The following MYT1L variants were observed in gnomAD, a reference collection of about 807,000 sequenced individuals.
MYT1L encodes the protein myelin transcription factor 1 like.
In MYT1L, 12 loss-of-function variants were observed where a neutral mutation model predicts 126.7. The observed-to-expected ratio is 0.09, with a 90% CI of 0.06 to 0.15. MYT1L has a LOEUF of 0.15. MYT1L is among the 10% of genes least tolerant of loss of function. MYT1L has a pLI of 1.00. For synonymous variants in MYT1L, 541 were observed against 604.2 expected (o/e 0.90, Z 1.53); for missense variants, 979 against 1,585.2 (o/e 0.62, Z 6.49).
intron 4 of MYT1L, among the ~76,000 whole-genome samples, chr2:2,037,881 ATACATTCAAAACTATAGTTTTGAATC>A (rs1026588286): frequency 6.6e-6 from 1 of 152,172 alleles, no homozygotes; most frequent in African/African-American, 2.4e-5. Flanking sequence ...TTTCAAAACT[ATACATTCAAAACTATAGTTTTGAATC>A]CTCAAATCAC....
At chr2:2,003,081 G>A (rs549995405) in intron 4 of MYT1L, among the ~76,000 whole-genome samples, 1 of 152,088 alleles carries the variant, frequency 6.6e-6, no homozygotes, top group Non-Finnish European at 1.5e-5. Flanking sequence ...ACCAATCTAT[G>A]CCTCCACGTC....
intron 3 of MYT1L, among the ~76,000 whole-genome samples, chr2:2,090,906 C>T (rs1308751459): frequency 6.6e-6 from 1 of 152,248 alleles, no homozygotes; most frequent in Non-Finnish European, 1.5e-5. Flanking sequence ...AACTCCTCAT[C>T]CATTCAAGAT....
chr2:2,006,989 T>C (rs2063395612), intron 4 of MYT1L, among the ~76,000 whole-genome samples: 1 of 152,154 alleles, frequency 6.6e-6, no homozygotes, highest in Non-Finnish European at 1.5e-5. Context: ...TATATCTATA[T>C]TGTGGCAAAT....
chr2:2,237,042 G>C (rs778966417), intron 2 of MYT1L, among the ~76,000 whole-genome samples: 13 of 151,980 alleles, frequency 8.6e-5, no homozygotes, highest in Non-Finnish European at 1.8e-4. Context: ...TCGAACTCCC[G>C]ACCTCAGGTG....
At chr2:1,915,991 T>C (rs2052766849) in intron 11 of MYT1L, among the ~76,000 whole-genome samples, 1 of 152,176 alleles carries the variant, frequency 6.6e-6, no homozygotes, top group Non-Finnish European at 1.5e-5. Context: ...GCTGGGTACA[T>C]GGAAGCTGTT....
chr2:1,984,597 C>T (rs943478423), intron 5 of MYT1L, among the ~76,000 whole-genome samples: 11 of 150,402 alleles, frequency 7.3e-5, no homozygotes, highest in African/African-American at 2.7e-4. Flanking sequence ...ACAAGCTCCG[C>T]CTCCTGGGTT....
In MYT1L at chr2:2,009,495, C is replaced by T. The variant is rs567477318; in HGVS notation, c.-157-12148G>A. Among the ~76,000 whole-genome samples, 6 of 151,946 alleles carry T rather than the reference C, an allele frequency of 3.9e-5. No individual in the cohort carries two copies. In the South Asian group the frequency reaches 8.3e-4, roughly 21 times the overall value. On this transcript the variant is annotated intron_variant, in intron 4 of 24. Transcript: ENST00000647738. ...GGGATTGTTTTACTGATTTATTTTC[C>T]AGCTAGGTTATTATTTTTCTATACA...
At position 2,003,986 on chromosome 2, in the gene MYT1L, C is replaced by T. The variant is rs1367598204; in HGVS notation, c.-157-6639G>A. Among the ~76,000 whole-genome samples, 79 of 150,640 alleles carry T rather than the reference C, an allele frequency of 5.2e-4. 2 individuals carry two copies. In the South Asian group the frequency reaches 0.015, roughly 29 times the overall value. On this transcript the variant is annotated intron_variant, in intron 4 of 24. Transcript: ENST00000647738. ...TCTTTCCTGCAGGCATTCTTTCCTG[C>T]AAGCGTTCTTTCCTGCATGCCTTCT...
chr2:1,916,009 C>A (rs1011522743), intron 11 of MYT1L, among the ~76,000 whole-genome samples: 1 of 152,174 alleles, frequency 6.6e-6, no homozygotes, highest in Non-Finnish European at 1.5e-5. Context: ...GTTGTCAAAC[C>A]ATGCTGTCTT....
intron 2 of MYT1L, among the ~76,000 whole-genome samples, chr2:2,281,475 T>C (rs1055158655): frequency 2.0e-5 from 3 of 152,210 alleles, no homozygotes; most frequent in African/African-American, 7.2e-5. Flanking sequence ...AGTAAATGCT[T>C]GTGTCTTCCT....
chr2:2,063,369 A>C (rs1403927961), intron 3 of MYT1L, among the ~76,000 whole-genome samples: 1 of 152,088 alleles, frequency 6.6e-6, no homozygotes, highest in Non-Finnish European at 1.5e-5. Context: ...TTATCTGTTC[A>C]TATTTAACAA....
rs986432921 is a variant in MYT1L at position 1,912,681 on chromosome 2, G to A, written c.1619-571C>T. Among the ~76,000 whole-genome samples the A allele has an allele frequency of 6.6e-6, 1 of 152,134 alleles. No homozygotes were observed. Among genetic ancestry groups the A allele is most frequent in the Non-Finnish European group, 1.5e-5 (1 of 68,038 alleles). On this transcript the variant is annotated intron_variant, in intron 11 of 24. Transcript: ENST00000647738. This position sits in a 1 kb window ranked among gnomAD's most constrained non-coding sequence, Gnocchi z 4.3. ...ATCACTCTTCCTTTAGGAATCAAGT[G>A]CTTTATTATTCTTTAAATAGGATGA...
At chr2:1,853,506 T>C (rs1432092942) in intron 18 of MYT1L, among the ~76,000 whole-genome samples, 1 of 152,216 alleles carries the variant, frequency 6.6e-6, no homozygotes, top group Non-Finnish European at 1.5e-5. Context: ...AAATGACACC[T>C]TATGTGGGTA....
chr2:2,185,658 G>A lies in MYT1L; in HGVS notation c.-420-12670C>T, dbSNP rs1163619734. ...GCGGACGCAGCCGGGCCTCCCAGAC[G>A]CCCGCGTTCCTTACGTGAGGGGGAC... On this transcript the variant is annotated intron_variant, in intron 2 of 24. Coordinates refer to ENST00000647738, the MANE Select transcript of MYT1L (RefSeq NM_001303052.2). Among the ~76,000 whole-genome samples, 5 of 112,156 alleles carry A rather than the reference G, an allele frequency of 4.5e-5. 1 individual carries two copies. Among genetic ancestry groups the A allele is most frequent in the African/African-American group, 2.0e-4 (5 of 24,870 alleles). The allele number at this position is 112,156 out of a possible 152,430, so 73.6% of individuals were successfully genotyped here.
chr2:2,324,978 C>T (rs2096226768), intron 1 of MYT1L: 1 of 152,326 alleles, frequency 6.6e-6, no homozygotes, highest in Admixed American at 6.5e-5. Context: ...CTTGTACCCA[C>T]AGGCCCCTAA....
At chr2:1,992,938 G>A (rs2061553700) in intron 5 of MYT1L, among the ~76,000 whole-genome samples, 2 of 152,038 alleles carry the variant, frequency 1.3e-5, no homozygotes, top group African/African-American at 2.4e-5. Context: ...GGCACCACCC[G>A]GATCAATAAA....
At chr2:2,000,965 CGGGT>C (rs1455413319) in intron 4 of MYT1L, among the ~76,000 whole-genome samples, 3 of 152,128 alleles carry the variant, frequency 2.0e-5, no homozygotes, top group African/African-American at 7.2e-5. Context: ...CTCAGAAGCA[CGGGT>C]TTTCTCTCTG....
intron 19 of MYT1L, chr2:1,841,341 T>G (rs1055006907): frequency 1.3e-5 from 2 of 149,850 alleles, no homozygotes; most frequent in Non-Finnish European, 2.9e-5. Flanking sequence ...TTTTTTGTAT[T>G]TTTTAGTAGA....
chr2:2,222,408 C>T (rs983454319), intron 2 of MYT1L, among the ~76,000 whole-genome samples: 1 of 73,056 alleles, frequency 1.4e-5, no homozygotes, highest in African/African-American at 5.7e-5. Context: ...AGGAGAATCA[C>T]TTGAACCTGG....
Sources: allele counts gnomAD v4.1 joint callset (sites outside exome capture counted in the v4.1 genomes callset), GRCh38; gene constraint gnomAD v4.1.1; non-coding constraint Gnocchi (gnomAD v3.1); transcripts MANE v1.5; gene names NCBI Gene and HGNC (gene_info 2026-07-23, HGNC 2026-07-21).